Variants in SPMIP4 observed in about 807,000 individuals in gnomAD.
SPMIP4 encodes the protein sperm-associated microtubule inner protein 4.
the SPMIP4 span, among the ~76,000 whole-genome samples, chr7:25,178,569 T>G: frequency 2.0e-5 from 3 of 152,228 alleles, no homozygotes; most frequent in Non-Finnish European, 4.4e-5. Flanking sequence ...TAAAAGTCTT[T>G]GCTTACAACA....
the SPMIP4 span, chr7:25,151,594 AC>A: frequency 6.4e-7 from 1 of 1,560,128 alleles, no homozygotes; most frequent in Non-Finnish European, 8.8e-7. Flanking sequence ...AAAGATACTT[AC>A]ATCATAATAT....
At chr7:25,169,899 G>A in the SPMIP4 span, among the ~76,000 whole-genome samples, 1 of 152,042 alleles carries the variant, frequency 6.6e-6, no homozygotes, top group Non-Finnish European at 1.5e-5. Flanking sequence ...TAATGGCTAC[G>A]TAATATTCCA....
chr7:25,159,200 C>T, the SPMIP4 span, among the ~76,000 whole-genome samples: 1 of 152,174 alleles, frequency 6.6e-6, no homozygotes, highest in African/African-American at 2.4e-5. Context: ...TAAAGTGACG[C>T]GAGTGTGGCC....
chr7:25,162,229 C>T, the SPMIP4 span, among the ~76,000 whole-genome samples: 1 of 147,884 alleles, frequency 6.8e-6, no homozygotes, highest in Non-Finnish European at 1.5e-5. Flanking sequence ...TGAGATCATG[C>T]CACTGTACTC....
At chr7:25,139,663 G>GT in the SPMIP4 span, among the ~76,000 whole-genome samples, 1 of 152,164 alleles carries the variant, frequency 6.6e-6, no homozygotes, top group Non-Finnish European at 1.5e-5. Flanking sequence ...AGCTAATCAA[G>GT]TTTGAGTAAA....
At chr7:25,135,297 C>A in the SPMIP4 span, 59 of 981,570 alleles carry the variant, frequency 6.0e-5, no homozygotes, top group Non-Finnish European at 7.1e-5. Flanking sequence ...ATAAAAGAAA[C>A]AGTTATGTTT....
At chr7:25,162,210 G>T in the SPMIP4 span, among the ~76,000 whole-genome samples, 3 of 149,654 alleles carry the variant, frequency 2.0e-5, no homozygotes, top group African/African-American at 7.4e-5. Context: ...GGCAGAGGTT[G>T]CACTGAGCTG....
At chr7:25,161,120 G>GTC in the SPMIP4 span, 1 of 891,724 alleles carries the variant, frequency 1.1e-6, no homozygotes, top group Admixed American at 3.2e-5. Context: ...CTTTAAAAAT[G>GTC]TCTCATATAA....
chr7:25,175,052 A>C, the SPMIP4 span, among the ~76,000 whole-genome samples: 2 of 152,206 alleles, frequency 1.3e-5, no homozygotes, highest in African/African-American at 4.8e-5. Flanking sequence ...CTGCTAGCCC[A>C]GTAGTTCTCA....
At chr7:25,155,281 C>CT in the SPMIP4 span, 1 of 1,226,882 alleles carries the variant, frequency 8.2e-7, no homozygotes, top group Non-Finnish European at 1.1e-6. Flanking sequence ...TATTGGGACC[C>CT]TTTTTTAAAT....
At chr7:25,157,086 G>T in the SPMIP4 span, among the ~76,000 whole-genome samples, 1 of 152,106 alleles carries the variant, frequency 6.6e-6, no homozygotes, top group Non-Finnish European at 1.5e-5. Flanking sequence ...AAAACCCCAC[G>T]ATGATGGGGA....
At chr7:25,147,715 G>C in the SPMIP4 span, among the ~76,000 whole-genome samples, 17 of 152,142 alleles carry the variant, frequency 1.1e-4, no homozygotes, top group Admixed American at 7.2e-4. Context: ...ATGTTGCTAG[G>C]TCAACAAAGT....
chr7:25,179,957 G>C, the SPMIP4 span: 11 of 152,400 alleles, frequency 7.2e-5, no homozygotes, highest in African/African-American at 2.4e-4. Context: ...GGTGCCTCGG[G>C]GGTCTGGACA....
At chr7:25,150,550 G>A in the SPMIP4 span, among the ~76,000 whole-genome samples, 1 of 152,206 alleles carries the variant, frequency 6.6e-6, no homozygotes, top group African/African-American at 2.4e-5. Flanking sequence ...CCTATCTCAT[G>A]GATTGCTGGA....
At chr7:25,175,483 A>C in the SPMIP4 span, among the ~76,000 whole-genome samples, 1 of 152,150 alleles carries the variant, frequency 6.6e-6, no homozygotes, top group Admixed American at 6.5e-5. Flanking sequence ...GATGTGAGGA[A>C]ATCGTTTTGC....
the SPMIP4 span, chr7:25,135,734 A>G: frequency 8.8e-7 from 1 of 1,130,510 alleles, no homozygotes; most frequent in Non-Finnish European, 1.1e-6. Context: ...TAAAGACTAT[A>G]AATTTTTCTA....
chr7:25,150,731 C>T, the SPMIP4 span, among the ~76,000 whole-genome samples: 570 of 152,266 alleles, frequency 3.7e-3, 5 homozygotes, highest in Non-Finnish European at 6.3e-3. Flanking sequence ...CTTCACAAAC[C>T]AGATTTCTGT....
chr7:25,141,761 G>A, the SPMIP4 span, among the ~76,000 whole-genome samples: 4 of 150,712 alleles, frequency 2.7e-5, no homozygotes, highest in South Asian at 2.1e-4. Flanking sequence ...TTTTTGAGAC[G>A]TAGTCTCGCT....
At chr7:25,142,376 G>T in the SPMIP4 span, 3 of 1,370,008 alleles carry the variant, frequency 2.2e-6, no homozygotes, top group Non-Finnish European at 3.1e-6. Context: ...GGTAAACGAA[G>T]AACGACAGTT....
Sources: allele counts gnomAD v4.1 joint callset (sites outside exome capture counted in the v4.1 genomes callset), GRCh38; gene constraint gnomAD v4.1.1; transcripts MANE v1.5; gene names NCBI Gene and HGNC (gene_info 2026-07-23, HGNC 2026-07-21).